Variants in FAM199X observed in about 807,000 individuals in gnomAD.
FAM199X encodes protein FAM199X.
A neutral mutation model predicts 22.9 loss-of-function variants in FAM199X; 4 were observed. The observed-to-expected ratio is 0.17, with a 90% CI of 0.09 to 0.40. The LOEUF (loss-of-function observed/expected upper bound fraction) is 0.40, where lower values mean the gene tolerates loss of function less well. Among genes scored for constraint, FAM199X ranks in the 10% least tolerant of loss-of-function variants. The probability of loss-of-function intolerance (pLI) is 1.00; values close to 1 mark genes in which losing one functional copy is unlikely to be tolerated. For synonymous variants in FAM199X, 101 were observed against 112.3 expected (o/e 0.90, Z 0.64); for missense variants, 183 against 306.8 (o/e 0.60, Z 3.01).
intron 1 of FAM199X, among the ~76,000 whole-genome samples, chrX:104,168,170 A>G (rs1921261354): frequency 8.9e-6 from 1 of 112,608 alleles, no homozygotes; most frequent in Admixed American, 9.4e-5. Flanking sequence ...TGTTATAGTT[A>G]AATAATCAGA....
intron 1 of FAM199X, among the ~76,000 whole-genome samples, chrX:104,170,383 G>C (rs1158968697): frequency 1.8e-5 from 2 of 111,305 alleles, no homozygotes; most frequent in Admixed American, 9.6e-5. Context: ...AGTTGAAAAT[G>C]GGGGGTTAGG....
chrX:104,157,544 A>G, the FAM199X span, among the ~76,000 whole-genome samples: 1 of 112,112 alleles, frequency 8.9e-6, no homozygotes, highest in Non-Finnish European at 1.9e-5. Context: ...TGGTATAATA[A>G]TAGTACTTAC....
upstream of FAM199X, among the ~76,000 whole-genome samples, chrX:104,163,618 G>A (rs1569465948): frequency 9.1e-6 from 1 of 110,397 alleles, no homozygotes; most frequent in Non-Finnish European, 1.9e-5. Flanking sequence ...TACATACAGT[G>A]CACCAACTCT....
At chrX:104,164,126 A>G (rs1556373193), upstream of FAM199X, among the ~76,000 whole-genome samples, 1 of 112,869 alleles carries the variant, frequency 8.9e-6, no homozygotes, top group African/African-American at 3.2e-5. Flanking sequence ...ATTGTGCACA[A>G]ACTTTTTTAC....
chrX:104,165,521 T>C (rs1921144120), upstream of FAM199X, among the ~76,000 whole-genome samples: 1 of 112,487 alleles, frequency 8.9e-6, no homozygotes. Flanking sequence ...ATTGCTTTTA[T>C]TGAAGAATTA....
chrX:104,168,040 A>G (rs928632600), intron 1 of FAM199X, among the ~76,000 whole-genome samples: 1 of 111,959 alleles, frequency 8.9e-6, no homozygotes, highest in African/African-American at 3.2e-5. Flanking sequence ...TGTCTTTAGC[A>G]TATTTCTCCC....
At chrX:104,186,268 G>A in intron 3 of FAM199X, 53 bp downstream of exon 3, 1 of 1,161,877 alleles carries the variant, frequency 8.6e-7, no homozygotes, top group Non-Finnish European at 1.2e-6. Flanking sequence ...ACTAGGTAAA[G>A]CTCAGTTTAT....
At chrX:104,187,073 A>G (rs1293975712) in intron 4 of FAM199X, among the ~76,000 whole-genome samples, 1 of 108,784 alleles carries the variant, frequency 9.2e-6, no homozygotes, top group Non-Finnish European at 1.9e-5. Flanking sequence ...TGAAATACGC[A>G]TCTCTGGTAC....
At chrX:104,164,718 A>G (rs1192593696), upstream of FAM199X, among the ~76,000 whole-genome samples, 5 of 110,270 alleles carry the variant, frequency 4.5e-5, no homozygotes, top group Non-Finnish European at 9.5e-5. Context: ...CGTCTCTACT[A>G]AAAATACAAA....
intron 3 of FAM199X, 68 bp downstream of exon 3, chrX:104,186,283 T>C: frequency 3.6e-6 from 4 of 1,121,474 alleles, no homozygotes; most frequent in Non-Finnish European, 4.8e-6. Context: ...GTTTATTGCC[T>C]GTTTAAAGCT....
intron 2 of FAM199X, among the ~76,000 whole-genome samples, chrX:104,182,405 C>CT (rs1556378083): frequency 9.0e-6 from 1 of 111,331 alleles, no homozygotes; most frequent in Non-Finnish European, 1.9e-5. Flanking sequence ...TTTCCTCACT[C>CT]TATTTTGTCC....
chrX:104,162,105 C>T (rs1452012823), upstream of FAM199X, among the ~76,000 whole-genome samples: 4 of 111,900 alleles, frequency 3.6e-5, no homozygotes, highest in Non-Finnish European at 7.5e-5. Context: ...GGTTCCCAAT[C>T]ACATCCATTT....
intron 2 of FAM199X, among the ~76,000 whole-genome samples, chrX:104,182,484 C>T (rs1406848358): frequency 9.0e-6 from 1 of 111,100 alleles, no homozygotes; most frequent in African/African-American, 3.3e-5. Context: ...AAAATGTTAT[C>T]GGCCTACTTC....
chrX:104,163,684 A>G (rs1416505898), upstream of FAM199X, among the ~76,000 whole-genome samples: 3 of 100,699 alleles, frequency 3.0e-5, no homozygotes, highest in Non-Finnish European at 6.0e-5. Context: ...ATATGGAGGG[A>G]CCTCTTTTTT....
At chrX:104,178,320 C>T (rs1223844513) in intron 2 of FAM199X, among the ~76,000 whole-genome samples, 1 of 110,924 alleles carries the variant, frequency 9.0e-6, no homozygotes, top group Non-Finnish European at 1.9e-5. Flanking sequence ...GCACCCACCA[C>T]CAAACCCGGC....
chrX:104,179,087 G>A (rs964834755), intron 2 of FAM199X, among the ~76,000 whole-genome samples: 11 of 111,848 alleles, frequency 9.8e-5, no homozygotes, highest in Non-Finnish European at 1.5e-4. Flanking sequence ...GTGAGATTGC[G>A]CCATTGCACT....
intron 1 of FAM199X, among the ~76,000 whole-genome samples, chrX:104,168,878 CTTTTTTTT>C (rs56399350): frequency 1.2e-5 from 1 of 83,336 alleles, no homozygotes; most frequent in Admixed American, 1.4e-4. Flanking sequence ...TTACTGCTTG[CTTTTTTTT>C]TTTTTTTTTT....
intron 2 of FAM199X, among the ~76,000 whole-genome samples, chrX:104,177,210 T>C (rs1486870795): frequency 8.9e-6 from 1 of 111,805 alleles, no homozygotes; most frequent in Non-Finnish European, 1.9e-5. Context: ...TATCAATGGA[T>C]GAATATATGG....
At chrX:104,161,119 C>T in the FAM199X span, among the ~76,000 whole-genome samples, 1 of 111,000 alleles carries the variant, frequency 9.0e-6, no homozygotes, top group Non-Finnish European at 1.9e-5. Flanking sequence ...TGATCATCTT[C>T]CTCTCCAAAA....
Sources: allele counts gnomAD v4.1 joint callset (sites outside exome capture counted in the v4.1 genomes callset), GRCh38; gene constraint gnomAD v4.1.1; transcripts MANE v1.5; gene names NCBI Gene and HGNC (gene_info 2026-07-23, HGNC 2026-07-21).